Variants in DGKK observed in about 807,000 individuals in gnomAD.
DGKK encodes 142 kDa diacylglycerol kinase.
In DGKK, 35 loss-of-function variants were observed where a neutral mutation model predicts 92.2. That is an observed-to-expected ratio of 0.38 (90% confidence interval 0.29 to 0.50). DGKK has a LOEUF of 0.50. DGKK is among the 20% of genes least tolerant of loss of function. DGKK has a pLI of 0.92. For synonymous variants in DGKK, 368 were observed against 360.6 expected (o/e 1.02, Z -0.23); for missense variants, 910 against 992.2 (o/e 0.92, Z 1.11).
At chrX:50,382,725 C>T (rs1387967310) in intron 17 of DGKK, 122 bp from the exon 18 acceptor site, 1 of 460,005 alleles carries the variant, frequency 2.2e-6, no homozygotes, top group African/African-American at 2.5e-5. Context: ...CCACACTGGG[C>T]ACTAACTATA....
chrX:50,385,878 T>C (rs1486935967), intron 15 of DGKK, among the ~76,000 whole-genome samples: 3 of 112,086 alleles, frequency 2.7e-5, no homozygotes, highest in Non-Finnish European at 3.8e-5. Context: ...TTCTGAGCAA[T>C]GGTAATTAAT....
intron 6 of DGKK, 149 bp downstream of exon 6, chrX:50,403,342 G>A (rs1925059669): frequency 2.3e-6 from 2 of 853,896 alleles, no homozygotes; most frequent in African/African-American, 2.0e-5. Context: ...GACAAGTGGA[G>A]GAGGGAGGTT....
At chrX:50,446,808 G>A (rs1926318112) in intron 1 of DGKK, among the ~76,000 whole-genome samples, 1 of 110,925 alleles carries the variant, frequency 9.0e-6, no homozygotes, top group Non-Finnish European at 1.9e-5. Context: ...TTGGAGAAAC[G>A]TTCTTCATGA....
At chrX:50,464,911 A>G (rs149784433) in intron 1 of DGKK, among the ~76,000 whole-genome samples, 2,181 of 110,189 alleles carry the variant, frequency 0.02, 59 homozygotes, top group African/African-American at 0.07. Flanking sequence ...GAAACCCTGT[A>G]CTCTTTAGCC....
chrX:50,382,446 G>T (rs1557224527), intron 18 of DGKK, 50 bp downstream of exon 18: 1 of 907,241 alleles, frequency 1.1e-6, no homozygotes. Context: ...ATACGTATGT[G>T]TATTGTGATA....
chrX:50,393,561 A>G (rs1254104882), intron 8 of DGKK, among the ~76,000 whole-genome samples: 1 of 111,705 alleles, frequency 9.0e-6, no homozygotes, highest in Non-Finnish European at 1.9e-5. Context: ...AGCCACTACC[A>G]CATGCCAAGC....
intron 1 of DGKK, among the ~76,000 whole-genome samples, chrX:50,469,689 C>A (rs1256039564): frequency 2.7e-5 from 3 of 113,085 alleles, no homozygotes; most frequent in Non-Finnish European, 5.6e-5. Flanking sequence ...AAACACTTCT[C>A]CAGGTCTCTT....
Position 50,366,189 on chromosome X carries a change from C to T in DGKK, c.*2751G>A, listed in dbSNP as rs1923971244. ...GTGGTTAACAAAGTCCTTAAAGGAG[C>T]TCACACTCCCAGAGCTAAGACAACT... On this transcript the variant is annotated 3_prime_UTR_variant, in exon 28 of 28. Coordinates refer to ENST00000611977, the MANE Select transcript of DGKK (RefSeq NM_001013742.4). The T allele has an allele frequency of 8.9e-6, 1 of 112,362 alleles. No individual in the cohort carries two copies. The allele number at this position is 112,362 out of a possible 1,213,427, so 9.3% of individuals were successfully genotyped here.
intron 1 of DGKK, among the ~76,000 whole-genome samples, chrX:50,462,216 A>T (rs1169700047): frequency 9.0e-6 from 1 of 110,601 alleles, no homozygotes; most frequent in Non-Finnish European, 1.9e-5. Context: ...TACCTGGATG[A>T]TGGGGAAGGT....
intron 4 of DGKK, among the ~76,000 whole-genome samples, chrX:50,411,474 T>C (rs782689217): frequency 8.9e-6 from 1 of 111,975 alleles, no homozygotes; most frequent in Admixed American, 9.4e-5. Flanking sequence ...CATGATAATC[T>C]CAGTGATGCA....
Position 50,455,889 on chromosome X carries a change from A to G in DGKK, c.645+14145T>C, listed in dbSNP as rs568336268. ...CATTTGTCTACACTCCCTTATTGTC[A>G]TAATATACCAATTTTGTCAAAGCAA... On this transcript the variant is annotated intron_variant, in intron 1 of 27. Transcript: ENST00000611977. Among the ~76,000 whole-genome samples, 5 of 111,742 alleles carry G rather than the reference A, an allele frequency of 4.5e-5. No homozygotes were observed. In the South Asian group the frequency reaches 1.5e-3, roughly 33 times the overall value.
rs1276175242 is a variant in DGKK at position 50,366,310 on chromosome X, C to T, written c.*2630G>A. 8.9e-6 allele frequency: 1 copy of T among 111,804 alleles called. No individual in the cohort carries two copies. Among genetic ancestry groups the T allele is most frequent in the East Asian group, 2.8e-4 (1 of 3,545 alleles). The allele number at this position is 111,804 out of a possible 1,213,427, so 9.2% of individuals were successfully genotyped here. ...TTCCTTTTTGGGAAACTACTGGTAA[C>T]TTAGCAATTTAGGAGGTAACTGAGG... On this transcript the variant is annotated 3_prime_UTR_variant, in exon 28 of 28. Coordinates refer to ENST00000611977, the MANE Select transcript of DGKK (RefSeq NM_001013742.4).
At chrX:50,420,231 A>C in intron 4 of DGKK, among the ~76,000 whole-genome samples, 172 bp downstream of exon 4, 1 of 112,137 alleles carries the variant, frequency 8.9e-6, no homozygotes, top group Non-Finnish European at 1.9e-5. Flanking sequence ...GTCTGAGTCC[A>C]AGTGAATTAC....
intron 4 of DGKK, among the ~76,000 whole-genome samples, chrX:50,405,527 GGAGAGAGAGAGAGA>G (rs781903574): frequency 3.0e-5 from 3 of 100,960 alleles, no homozygotes; most frequent in Non-Finnish European, 6.0e-5. Flanking sequence ...GACAGTGGGG[GGAGAGAGAGAGAGA>G]GAGAGAGAGA....
intron 1 of DGKK, among the ~76,000 whole-genome samples, chrX:50,432,924 T>C (rs947448759): frequency 1.8e-5 from 2 of 111,748 alleles, no homozygotes; most frequent in South Asian, 7.6e-4. Context: ...GATCACTAAT[T>C]GTTTGGGGTA....
At chrX:50,421,075 G>T (rs1321393824) in intron 3 of DGKK, among the ~76,000 whole-genome samples, 1 of 111,778 alleles carries the variant, frequency 8.9e-6, no homozygotes, top group African/African-American at 3.2e-5. Context: ...CTGTTTAGTG[G>T]GAGAGTGAGA....
At chrX:50,457,722 A>T (rs1279567426) in intron 1 of DGKK, among the ~76,000 whole-genome samples, 2 of 111,922 alleles carry the variant, frequency 1.8e-5, no homozygotes, top group Non-Finnish European at 3.8e-5. Flanking sequence ...ATTTTATAGG[A>T]CTTGGAACAA....
intron 8 of DGKK, among the ~76,000 whole-genome samples, chrX:50,394,349 A>G (rs1351025623): frequency 9.0e-6 from 1 of 111,336 alleles, no homozygotes; most frequent in Non-Finnish European, 1.9e-5. Flanking sequence ...GAAAAATCAA[A>G]GGCAGGTTTC....
intron 8 of DGKK, among the ~76,000 whole-genome samples, chrX:50,400,511 A>G (rs17003346): frequency 0.01 from 1,142 of 112,246 alleles, 14 homozygotes; most frequent in African/African-American, 0.035. Flanking sequence ...ACAATAATCA[A>G]TAGCTCTGGC....
Sources: gnomAD v4.1 joint callset for allele counts (sites outside exome capture counted in the v4.1 genomes callset) on GRCh38, gnomAD v4.1.1 for gene constraint, MANE v1.5 for transcripts, NCBI Gene and HGNC (gene_info 2026-07-23, HGNC 2026-07-21) for gene names.